WDR89: variants seen among roughly 807,000 people sequenced by gnomAD.
WDR89 encodes the protein WD repeat-containing protein 89.
A neutral mutation model predicts 29.1 loss-of-function variants in WDR89; 17 were observed. The observed-to-expected ratio is 0.58, with a 90% CI of 0.40 to 0.88. WDR89 has a LOEUF of 0.88. Ranked by LOEUF, WDR89 falls within the 40% of genes least tolerant of loss-of-function variation. WDR89 has a pLI of 0.00. For synonymous variants in WDR89, 138 were observed against 157.8 expected, an observed-to-expected ratio of 0.87 and a Z score of 0.94; for missense variants, 396 against 456.3, an observed-to-expected ratio of 0.87 and a Z score of 1.20.
intron 2 of WDR89, among the ~76,000 whole-genome samples, chr14:63,610,237 A>C (rs571128443): frequency 2.0e-4 from 30 of 151,400 alleles, no homozygotes; most frequent in African/African-American, 4.6e-4. Context: ...AAAAAAAAAA[A>C]AAAAAAACTC....
intron 2 of WDR89, among the ~76,000 whole-genome samples, chr14:63,605,211 TACACACACACACACACACACACAC>T (rs200461481): frequency 6.8e-5 from 7 of 102,430 alleles, no homozygotes; most frequent in Non-Finnish European, 9.3e-5. Context: ...TACATACACA[TACACACACACACACACACACACAC>T]ACACACACGA....
At chr14:63,636,525 G>A (rs1883748782) in intron 1 of WDR89, among the ~76,000 whole-genome samples, 1 of 152,140 alleles carries the variant, frequency 6.6e-6, no homozygotes, top group African/African-American at 2.4e-5. Flanking sequence ...ATACCATAAG[G>A]CCATAGTCAC....
In WDR89 at chr14:63,634,731, T is replaced by C. The variant is rs574490460; in HGVS notation, c.-138+7073A>G. Among the ~76,000 whole-genome samples the C allele has an allele frequency of 4.6e-5, 7 of 152,030 alleles. No individual in the cohort carries two copies. The South Asian group carries it at 1.5e-3, about 32-fold the overall frequency. On this transcript the variant is annotated intron_variant, in intron 1 of 2. Transcript: ENST00000620954. ...CTAAAAATACAAAATTAGCCAGGCATGGTGGCACATGCCTATAATCCCAGC... is the reference window on the plus strand; with the variant it reads ...CTAAAAATACAAAATTAGCCAGGCACGGTGGCACATGCCTATAATCCCAGC...
intron 1 of WDR89, among the ~76,000 whole-genome samples, chr14:63,637,517 C>T (rs1484460764): frequency 6.6e-6 from 1 of 152,110 alleles, no homozygotes; most frequent in African/African-American, 2.4e-5. Flanking sequence ...AATCCAAATG[C>T]CCATCAATCA....
chr14:63,610,688 TTTTC>T (rs1490690720), intron 2 of WDR89, among the ~76,000 whole-genome samples: 1 of 148,026 alleles, frequency 6.8e-6, no homozygotes, highest in African/African-American at 2.5e-5. Flanking sequence ...AGGAATATTC[TTTTC>T]TTTTCTTTTC....
chr14:63,611,976 C>A (rs937430561), intron 2 of WDR89, among the ~76,000 whole-genome samples: 1 of 152,092 alleles, frequency 6.6e-6, no homozygotes, highest in Admixed American at 6.6e-5. Flanking sequence ...GATCCGCCCA[C>A]CTCAGCCTCC....
intron 2 of WDR89, among the ~76,000 whole-genome samples, chr14:63,608,592 G>A (rs1276421781): frequency 6.6e-6 from 1 of 151,966 alleles, no homozygotes; most frequent in Non-Finnish European, 1.5e-5. Flanking sequence ...AATATTTTCA[G>A]AGATTGTCAA....
At chr14:63,623,426 G>A (rs907041885) in intron 2 of WDR89, among the ~76,000 whole-genome samples, 9 of 151,488 alleles carry the variant, frequency 5.9e-5, no homozygotes, top group South Asian at 2.1e-4. Flanking sequence ...ATACCTGGCC[G>A]GGCATGGTGG....
chr14:63,604,442 TTTAA>T (rs1452630832), intron 2 of WDR89, among the ~76,000 whole-genome samples: 2 of 151,898 alleles, frequency 1.3e-5, no homozygotes, highest in African/African-American at 2.4e-5. Context: ...ATTTAAAATG[TTTAA>T]TTATGAAGTA....
chr14:63,636,406 A>C (rs1883741258), intron 1 of WDR89, among the ~76,000 whole-genome samples: 1 of 152,300 alleles, frequency 6.6e-6, no homozygotes, highest in East Asian at 1.9e-4. Context: ...ACAGAACTAG[A>C]AAAAACAATC....
rs1406669250 is a variant in WDR89 at position 63,597,762 on chromosome 14, G to A, written c.*1017C>T. Reference sequence around the variant, plus strand: ...GCCATCAAAACATCAATGTACTGAAGATTTTAAGCAGCATGAGGCACCATC... The same window carrying A: ...GCCATCAAAACATCAATGTACTGAAAATTTTAAGCAGCATGAGGCACCATC... On this transcript the variant is annotated 3_prime_UTR_variant, in exon 3 of 3. Transcript: ENST00000620954. 1 of 152,158 alleles carries A rather than the reference G, an allele frequency of 6.6e-6. No individual in the cohort carries two copies. Among genetic ancestry groups the A allele is most frequent in the Non-Finnish European group, 1.5e-5 (1 of 68,056 alleles). The allele number at this position is 152,158 out of a possible 1,614,324, so 9.4% of individuals were successfully genotyped here. A position where few individuals can be genotyped will look rare whatever the true frequency, so the allele number is the denominator to read the frequency against.
intron 2 of WDR89, among the ~76,000 whole-genome samples, chr14:63,604,185 G>A (rs1332853697): frequency 1.3e-5 from 2 of 152,206 alleles, no homozygotes; most frequent in East Asian, 3.8e-4. Flanking sequence ...AGCATGTTGA[G>A]AAGCCAGGGC....
At chr14:63,604,053 G>GTC in intron 2 of WDR89, among the ~76,000 whole-genome samples, 1 of 152,290 alleles carries the variant, frequency 6.6e-6, no homozygotes, top group East Asian at 1.9e-4. Context: ...CCCAGAGAGA[G>GTC]TCTCTCCACT....
intron 2 of WDR89, among the ~76,000 whole-genome samples, chr14:63,613,819 A>G (rs1595024822): frequency 8.0e-6 from 1 of 125,228 alleles, no homozygotes; most frequent in South Asian, 2.5e-4. Context: ...ATTTTTAAAC[A>G]TCTTTTTTTT....
rs1389763635 is a variant in WDR89, at chr14:63,599,361, C to T, written c.582G>A (p.Leu194=). 6.2e-7 allele frequency: 1 copy of T among 1,614,096 alleles called. No individual in the cohort carries two copies. Among genetic ancestry groups the T allele is most frequent in the Admixed American group, 1.7e-5 (1 of 60,010 alleles). ...CAATATTAATATCAAATACATTTAC[C>T]AGGCCATCAGATGAACCTGAGACTA... The part of the protein sequence containing the change: ...NMVVSGSSDG[L]VNVFDINIDN... The change falls in exon 3 of 3, where the codon CTG becomes CTA. Residue 194 remains leucine, a synonymous_variant. Transcript: ENST00000620954.
intron 2 of WDR89, among the ~76,000 whole-genome samples, chr14:63,612,892 TGGAATATACCTG>T: frequency 6.6e-6 from 1 of 151,920 alleles, no homozygotes; most frequent in East Asian, 1.9e-4. Context: ...CCCGTAAGAG[TGGAATATACCTG>T]GGACTTGTTG....
At chr14:63,641,192 A>G (rs1884106268) in intron 1 of WDR89, 1 of 152,200 alleles carries the variant, frequency 6.6e-6, no homozygotes, top group Non-Finnish European at 1.5e-5. Context: ...TTTTACATCC[A>G]TGGAAGCTGA....
At chr14:63,638,214 G>A (rs1883868627) in intron 1 of WDR89, among the ~76,000 whole-genome samples, 1 of 151,948 alleles carries the variant, frequency 6.6e-6, no homozygotes, top group Non-Finnish European at 1.5e-5. Context: ...CAAAGTGCTG[G>A]GATTACAGGC....
intron 1 of WDR89, among the ~76,000 whole-genome samples, 172 bp from the exon 2 acceptor site, chr14:63,625,205 A>T (rs1882952648): frequency 6.6e-6 from 1 of 152,222 alleles, no homozygotes. Context: ...TATGTAACAT[A>T]AAAGCGTATA....
Sources: allele counts gnomAD v4.1 joint callset (sites outside exome capture counted in the v4.1 genomes callset), GRCh38; gene constraint gnomAD v4.1.1; transcripts MANE v1.5; gene names NCBI Gene and HGNC (gene_info 2026-07-23, HGNC 2026-07-21).